The following YLPM1 variants were observed in gnomAD, a reference collection of about 807,000 sequenced individuals.
YLPM1 encodes the protein YLP motif containing 1, also known as YLP motif-containing protein 1.
Under a neutral mutation model 230.0 loss-of-function variants are expected in YLPM1, and 99 were observed. That is an observed-to-expected ratio of 0.43 (90% CI 0.37 to 0.51). The LOEUF is 0.51. Ranked by LOEUF, YLPM1 falls within the 20% of genes least tolerant of loss-of-function variation. YLPM1 has a pLI of 0.00. For missense variants in YLPM1, 2,592 were observed against 2,707.7 expected (o/e 0.96, Z 0.95); for synonymous variants, 984 against 942.5 (o/e 1.04, Z -0.81).
intron 1 of YLPM1, among the ~76,000 whole-genome samples, chr14:74,765,713 A>G (rs77815285): frequency 0.029 from 4,444 of 152,310 alleles, 149 homozygotes; most frequent in African/African-American, 0.079. Context: ...GAGAGACAAA[A>G]TAATTGTATT....
In YLPM1 at chr14:74,763,798, A is replaced by C. The variant is rs141202274; in HGVS notation, c.309A>C (p.Pro103=). ...GCGGCTACGGAGACTGGCAGCCGCC[A>C]CCGCCACCGATGCCCCCGCCACCCG... ...PGGGYGDWQP[P]PPPMPPPPGP... is the part of the protein sequence containing the mutation. The change falls in exon 1 of 21, where the codon CCA becomes CCC. Residue 103 remains proline, a synonymous_variant. Transcript: ENST00000325680. The C allele has an allele frequency of 6.6e-7, 1 of 1,512,032 alleles. No individual in the cohort carries two copies. Among genetic ancestry groups the C allele is most frequent in the Non-Finnish European group, 8.8e-7 (1 of 1,130,768 alleles). The allele number at this position is 1,512,032 out of a possible 1,614,324, so 93.7% of individuals were successfully genotyped here. A position where few individuals can be genotyped will look rare whatever the true frequency, so the allele number is the denominator to read the frequency against.
At chr14:74,829,719 C>G (rs573696672) in intron 19 of YLPM1, among the ~76,000 whole-genome samples, 33 of 152,206 alleles carry the variant, frequency 2.2e-4, no homozygotes, top group African/African-American at 7.9e-4. Context: ...AGGGTGACCC[C>G]TTGGTACTCT....
intron 5 of YLPM1, among the ~76,000 whole-genome samples, chr14:74,800,783 C>T (rs943124922): frequency 6.6e-6 from 1 of 152,146 alleles, no homozygotes; most frequent in African/African-American, 2.4e-5. Flanking sequence ...GAATATTTAG[C>T]TACTACACTA....
Position 74,797,731 on chromosome 14 carries a change from A to C in YLPM1, c.2434A>C (p.Ile812Leu). The change falls in exon 5 of 21, where the codon ATT (isoleucine) becomes CTT (leucine). Residue 812 changes from isoleucine to leucine, a missense_variant. Ile to Leu is a conservative substitution (Grantham distance 5, BLOSUM62 2). This residue lies in a region of YLPM1 where 1,862 missense variants were observed against 1,819.8 expected (regional missense o/e 1.02). Coordinates refer to ENST00000325680, the MANE Select transcript of YLPM1 (RefSeq NM_019589.3). ...GGGCACTAAAAGCAAGTGGGGAATG[A>C]TTCCCCGGGGGCCAGCATCTCAATT... ...AEGTKSKWGMIPRGPASQFYI... is the reference protein window; with the variant it reads ...AEGTKSKWGMLPRGPASQFYI... 1 of 1,613,666 alleles carries C rather than the reference A, an allele frequency of 6.2e-7. No individual in the cohort carries two copies. The highest frequency in any genetic ancestry group is 8.5e-7 in the Non-Finnish European group (1 of 1,179,698).
chr14:74,816,471 C>G, intron 12 of YLPM1, 100 bp from the exon 13 acceptor site: 1 of 1,431,854 alleles, frequency 7.0e-7, no homozygotes, highest in East Asian at 2.4e-5. Context: ...TTGAAACCAC[C>G]AGAAGATTGT....
At chr14:74,790,300 A>G (rs1166935183) in intron 4 of YLPM1, among the ~76,000 whole-genome samples, 1 of 152,106 alleles carries the variant, frequency 6.6e-6, no homozygotes, top group Non-Finnish European at 1.5e-5. Context: ...TATAGTGATA[A>G]CTTATCTTTG....
intron 5 of YLPM1, among the ~76,000 whole-genome samples, chr14:74,800,246 G>A (rs1257741732): frequency 2.6e-5 from 4 of 152,156 alleles, no homozygotes; most frequent in Admixed American, 1.3e-4. Flanking sequence ...TTCTCCTTGA[G>A]GATGTTATTT....
At chr14:74,805,548 G>A (rs1286981987) in intron 6 of YLPM1, among the ~76,000 whole-genome samples, 1 of 149,812 alleles carries the variant, frequency 6.7e-6, no homozygotes, top group Non-Finnish European at 1.5e-5. Context: ...ACAGGGTCTC[G>A]CGTTGTTGCC....
Position 74,797,829 on chromosome 14 carries a change from T to C in YLPM1, c.2532T>C (p.Phe844=), listed in dbSNP as rs1295041523. The change falls in exon 5 of 21, where the codon TTT becomes TTC. Residue 844 remains phenylalanine, a synonymous_variant. Transcript: ENST00000325680. ...AGTGGAAAGGCCCCAAACCAGCTTT[T>C]GGACAGCAGCATCAGCAGCAACCTA... The part of the protein sequence containing the change: ...GPQWKGPKPA[F]GQQHQQQPKS... 1 of 1,614,002 alleles carries C rather than the reference T, an allele frequency of 6.2e-7. No individual in the cohort carries two copies. The highest frequency in any genetic ancestry group is 2.2e-5 in the East Asian group (1 of 44,876).
At chr14:74,810,885 G>A (rs187005719) in intron 9 of YLPM1, among the ~76,000 whole-genome samples, 1 of 152,066 alleles carries the variant, frequency 6.6e-6, no homozygotes, top group Non-Finnish European at 1.5e-5. Context: ...ATGCAGTGGC[G>A]CAGTCTCAGC....
chr14:74,810,397 A>G lies in YLPM1; in HGVS notation c.5205A>G (p.Arg1735=). 6.2e-7 allele frequency: 1 copy of G among 1,612,424 alleles called. No individual in the cohort carries two copies. Among genetic ancestry groups the G allele is most frequent in the Non-Finnish European group, 8.5e-7 (1 of 1,179,216 alleles). ...ACTATGACCGGGATCGATTTGACAG[A>G]GAACGCCGACCCCGAGATGATAGGT... is the stretch of plus-strand genomic sequence containing the variant. ...VIDYDRDRFD[R]ERRPRDDRAQ... is the part of the protein sequence containing the mutation. Residue 1735 remains arginine, a synonymous_variant, in exon 9 of 21, where the codon AGA becomes AGG. Transcript: ENST00000325680.
At position 74,798,060 on chromosome 14, in the gene YLPM1, C is replaced by T. The variant is rs2091281796; in HGVS notation, c.2763C>T (p.Pro921=). ...AAGTCTCGGAAGGGCCCGTAGAGCC[C>T]TCTAATTGGGACCAGAATGTTCAAA... ...KSEVSEGPVE[P]SNWDQNVQSM... Residue 921 remains proline, a synonymous_variant, in exon 5 of 21, where the codon CCC becomes CCT. Transcript: ENST00000325680. The T allele has an allele frequency of 1.9e-6, 3 of 1,613,892 alleles. No homozygotes were observed. Among genetic ancestry groups the T allele is most frequent in the East Asian group, 2.2e-5 (1 of 44,870 alleles).
Position 74,818,226 on chromosome 14 carries a change from A to G in YLPM1, c.5947-5A>G. On this transcript the variant is annotated splice_region_variant and splice_polypyrimidine_tract_variant and intron_variant, in intron 15 of 20. Coordinates refer to ENST00000325680, the MANE Select transcript of YLPM1 (RefSeq NM_019589.3). ...GATAACTCAACCATCTGAATTTTTC[A>G]ATAGATGGCTGATCACTGGGAAACT... 3.1e-6 allele frequency: 5 copies of G among 1,593,054 alleles called. No individual in the cohort carries two copies. Among genetic ancestry groups the G allele is most frequent in the Non-Finnish European group, 4.3e-6 (5 of 1,169,738 alleles).
intron 4 of YLPM1, among the ~76,000 whole-genome samples, chr14:74,785,777 C>T (rs2091143153): frequency 6.6e-6 from 1 of 151,976 alleles, no homozygotes; most frequent in Non-Finnish European, 1.5e-5. Flanking sequence ...TTGCAAAATC[C>T]AGATTTAAGC....
chr14:74,806,399 AACAT>A (rs1489458200), intron 6 of YLPM1, among the ~76,000 whole-genome samples: 2 of 152,072 alleles, frequency 1.3e-5, no homozygotes, highest in East Asian at 1.9e-4. Context: ...CAGCTTGGCC[AACAT>A]GGTGAACCCT....
chr14:74,817,393 T>C, intron 15 of YLPM1, 116 bp downstream of exon 15: 1 of 985,498 alleles, frequency 1.0e-6, no homozygotes. Flanking sequence ...ATTTTTATTG[T>C]ACCTTTTCTG....
chr14:74,835,205 AG>A, intron 19 of YLPM1, 59 bp from the exon 20 acceptor site: 2 of 1,593,302 alleles, frequency 1.3e-6, no homozygotes, highest in Admixed American at 3.5e-5. Flanking sequence ...CCAGAGAGGG[AG>A]GGGGCTCTTT....
chr14:74,793,347 CT>C (rs1329128174), intron 4 of YLPM1, among the ~76,000 whole-genome samples: 1 of 152,042 alleles, frequency 6.6e-6, no homozygotes, highest in African/African-American at 2.4e-5. Flanking sequence ...TGCCTTTTAT[CT>C]TACATTTTGT....
chr14:74,784,238 T>C (rs1018653347), intron 4 of YLPM1, among the ~76,000 whole-genome samples: 1 of 152,234 alleles, frequency 6.6e-6, no homozygotes, highest in African/African-American at 2.4e-5. Context: ...ATCTTGGCTG[T>C]GTGAATTTAG....
Sources: allele counts gnomAD v4.1 joint callset (sites outside exome capture counted in the v4.1 genomes callset), GRCh38; gene constraint gnomAD v4.1.1; regional missense constraint gnomAD v4.1.1; transcripts MANE v1.5; gene names NCBI Gene and HGNC (gene_info 2026-07-23, HGNC 2026-07-21).